The following TRIO variants were observed in gnomAD, a reference collection of about 807,000 sequenced individuals.
TRIO encodes triple functional domain protein.
In TRIO, 58 loss-of-function variants were observed where a neutral mutation model predicts 351.9. The observed-to-expected ratio is 0.16, with a 90% confidence interval of 0.13 to 0.21. TRIO has a LOEUF of 0.21. TRIO is among the 10% of genes least tolerant of loss of function. The probability of loss-of-function intolerance (pLI) is 1.00; values close to 1 mark genes in which losing one functional copy is unlikely to be tolerated. For synonymous variants in TRIO, 1,758 were observed against 1,595.7 expected, an observed-to-expected ratio of 1.10 and a Z score of -2.42; for missense variants, 3,201 against 4,027.8, an observed-to-expected ratio of 0.79 and a Z score of 5.56.
At chr5:14,265,068 T>G (rs1795588218) in intron 1 of TRIO, among the ~76,000 whole-genome samples, 1 of 151,270 alleles carries the variant, frequency 6.6e-6, no homozygotes, top group Non-Finnish European at 1.5e-5. Context: ...TGTGTTTTGT[T>G]AAGTATGTAG....
intron 11 of TRIO, among the ~76,000 whole-genome samples, chr5:14,353,270 C>CTTTTT (rs35179690): frequency 3.4e-5 from 4 of 117,326 alleles, no homozygotes; most frequent in Non-Finnish European, 5.1e-5. Context: ...TTCTAAGCAA[C>CTTTTT]TTTTTTTTTT....
intron 34 of TRIO, among the ~76,000 whole-genome samples, chr5:14,447,204 C>G (rs1170381689): frequency 6.6e-6 from 1 of 152,208 alleles, no homozygotes; most frequent in Non-Finnish European, 1.5e-5. Flanking sequence ...TGCACTCCAG[C>G]CTGGGTGACA....
intron 1 of TRIO, among the ~76,000 whole-genome samples, chr5:14,246,295 G>A (rs1317088520): frequency 3.3e-5 from 5 of 152,182 alleles, no homozygotes; most frequent in Admixed American, 2.6e-4. Flanking sequence ...TGTTAAACTA[G>A]GGGGAACTCT....
chr5:14,362,719 G>C (rs1382482064), intron 13 of TRIO, among the ~76,000 whole-genome samples: 3 of 152,156 alleles, frequency 2.0e-5, no homozygotes, highest in East Asian at 3.9e-4. Context: ...CCATGCGAAG[G>C]CTGGGCCTGT....
intron 27 of TRIO, among the ~76,000 whole-genome samples, chr5:14,392,053 C>T (rs536269324): frequency 6.6e-6 from 1 of 152,240 alleles, no homozygotes; most frequent in South Asian, 2.1e-4. Flanking sequence ...TTCACTTAAA[C>T]AGTGAGGGCA....
intron 40 of TRIO, 151 bp downstream of exon 40, chr5:14,474,248 C>A: frequency 1.6e-6 from 1 of 640,316 alleles, no homozygotes; most frequent in Non-Finnish European, 2.7e-6. Flanking sequence ...TTGATGTACC[C>A]AGGAGTTCTG....
At chr5:14,424,468 T>A (rs1750471998) in intron 34 of TRIO, among the ~76,000 whole-genome samples, 1 of 152,274 alleles carries the variant, frequency 6.6e-6, no homozygotes, top group Admixed American at 6.5e-5. Flanking sequence ...GTATGAGTCA[T>A]CTGCAGTGAA....
At chr5:14,311,176 C>T (rs1290459838) in intron 8 of TRIO, among the ~76,000 whole-genome samples, 2 of 152,172 alleles carry the variant, frequency 1.3e-5, no homozygotes. Context: ...AAAGTAGAGC[C>T]CAGGTGCAGC....
At chr5:14,402,292 G>C (rs749516856) in intron 31 of TRIO, among the ~76,000 whole-genome samples, 1 of 152,224 alleles carries the variant, frequency 6.6e-6, no homozygotes, top group African/African-American at 2.4e-5. Context: ...ACTTTAGCCA[G>C]ATCTGGACTT....
chr5:14,330,562 A>T (rs923939878), intron 9 of TRIO, among the ~76,000 whole-genome samples: 2 of 152,244 alleles, frequency 1.3e-5, no homozygotes, highest in African/African-American at 4.8e-5. Flanking sequence ...GTAAGAGATG[A>T]TTAAAGTCCT....
chr5:14,285,680 G>T (rs1019157617), intron 3 of TRIO, among the ~76,000 whole-genome samples: 2 of 152,016 alleles, frequency 1.3e-5, no homozygotes, highest in African/African-American at 4.8e-5. Context: ...CTAGTTTTTT[G>T]GGGGGATAAT....
chr5:14,405,793 G>A, intron 31 of TRIO, 55 bp from the exon 32 acceptor site: 1 of 1,541,328 alleles, frequency 6.5e-7, no homozygotes. Flanking sequence ...TGTGGTTAGG[G>A]CAAGGTCTGG....
intron 1 of TRIO, among the ~76,000 whole-genome samples, chr5:14,244,761 C>T (rs1581433799): frequency 6.6e-6 from 1 of 152,334 alleles, no homozygotes; most frequent in East Asian, 1.9e-4. Flanking sequence ...TTGCCGTCAG[C>T]CTGGATTGCA....
At chr5:14,322,542 A>G (rs544313689) in intron 9 of TRIO, among the ~76,000 whole-genome samples, 8 of 152,244 alleles carry the variant, frequency 5.3e-5, no homozygotes, top group Non-Finnish European at 7.4e-5. Flanking sequence ...AATTTCACAG[A>G]TTTGCCTCAG....
At chr5:14,447,012 C>T (rs1309967051) in intron 34 of TRIO, among the ~76,000 whole-genome samples, 1 of 152,192 alleles carries the variant, frequency 6.6e-6, no homozygotes, top group African/African-American at 2.4e-5. Flanking sequence ...GGGCAGATCA[C>T]TTGAGGCCAG....
chr5:14,303,360 T>C (rs1738079224), intron 7 of TRIO, among the ~76,000 whole-genome samples: 1 of 124,072 alleles, frequency 8.1e-6, no homozygotes. Context: ...AGGGTGTCAG[T>C]GGAGGAGATT....
chr5:14,442,495 G>C (rs959080997), intron 34 of TRIO, among the ~76,000 whole-genome samples: 14 of 152,212 alleles, frequency 9.2e-5, no homozygotes, highest in African/African-American at 3.4e-4. Context: ...GGAGGTAAGA[G>C]TTGGCTGCGT....
intron 2 of TRIO, among the ~76,000 whole-genome samples, chr5:14,272,197 A>G (rs1249658841): frequency 6.6e-6 from 1 of 152,232 alleles, no homozygotes; most frequent in African/African-American, 2.4e-5. Flanking sequence ...AGAGTAATTG[A>G]AAGACTCTAC....
intron 53 of TRIO, among the ~76,000 whole-genome samples, chr5:14,501,798 G>A (rs1757314922): frequency 9.2e-5 from 14 of 152,202 alleles, no homozygotes; most frequent in Admixed American, 9.2e-4. Context: ...GAAACTAAGT[G>A]GGGAGAGGAG....
Sources: gnomAD v4.1 joint callset for allele counts (sites outside exome capture counted in the v4.1 genomes callset) on GRCh38, gnomAD v4.1.1 for gene constraint, MANE v1.5 for transcripts, NCBI Gene and HGNC (gene_info 2026-07-23, HGNC 2026-07-21) for gene names.